Variants in LHFPL6 observed in about 807,000 individuals in gnomAD.
The protein encoded by LHFPL6 is LHFPL tetraspan subfamily member 6 protein.
Under a neutral mutation model 20.6 loss-of-function variants are expected in LHFPL6, and 9 were observed. The observed-to-expected ratio is 0.44, with a 90% CI of 0.26 to 0.76. The LOEUF is 0.76. LHFPL6 is among the 30% of genes least tolerant of loss of function. The pLI is 0.20. For missense variants in LHFPL6, 218 were observed against 253.5 expected, an observed-to-expected ratio of 0.86 and a Z score of 0.95; for synonymous variants, 105 against 98.7, an observed-to-expected ratio of 1.06 and a Z score of -0.38.
At chr13:39,525,296 C>A (rs1296688764) in intron 2 of LHFPL6, among the ~76,000 whole-genome samples, 1 of 152,106 alleles carries the variant, frequency 6.6e-6, no homozygotes, top group Admixed American at 6.5e-5. Context: ...AGACTATTGT[C>A]TTTTTTAACA....
chr13:39,447,323 C>A (rs1375162566), intron 2 of LHFPL6, among the ~76,000 whole-genome samples: 1 of 152,116 alleles, frequency 6.6e-6, no homozygotes, highest in African/African-American at 2.4e-5. Flanking sequence ...TTTTTTTAAG[C>A]TTTCTCTTGC....
chr13:39,408,316 CCCAGATTATCAGA>C (rs1316703873), intron 2 of LHFPL6, among the ~76,000 whole-genome samples: 1 of 152,098 alleles, frequency 6.6e-6, no homozygotes, highest in Non-Finnish European at 1.5e-5. Flanking sequence ...GAAGTCTTTC[CCCAGATTATCAGA>C]CCAGAAGGCC....
Position 39,579,595 on chromosome 13 carries a change from A to G in LHFPL6, c.385+21237T>C, listed in dbSNP as rs1281127922. ...AAAAATTTTTTTATCTTTTTCTAAT[A>G]ATATACTTGTTACAGTTTTTAAAGA... On this transcript the variant is annotated intron_variant, in intron 2 of 3. Coordinates refer to ENST00000379589, the MANE Select transcript of LHFPL6 (RefSeq NM_005780.3). Among the ~76,000 whole-genome samples the G allele has an allele frequency of 4.6e-5, 7 of 152,190 alleles. No individual in the cohort carries two copies. In the South Asian group the frequency reaches 8.3e-4, roughly 18 times the overall value.
chr13:39,527,301 C>T (rs1870320095), intron 2 of LHFPL6, among the ~76,000 whole-genome samples: 1 of 152,126 alleles, frequency 6.6e-6, no homozygotes, highest in South Asian at 2.1e-4. Context: ...GAGAAAGAGG[C>T]CTTTGGCCCT....
At chr13:39,408,217 T>C (rs1171424835) in intron 2 of LHFPL6, among the ~76,000 whole-genome samples, 1 of 152,244 alleles carries the variant, frequency 6.6e-6, no homozygotes, top group Non-Finnish European at 1.5e-5. Flanking sequence ...AATTTATTAA[T>C]AAGTCAGACA....
intron 3 of LHFPL6, among the ~76,000 whole-genome samples, chr13:39,348,049 A>G (rs1201176712): frequency 6.6e-6 from 1 of 152,256 alleles, no homozygotes; most frequent in East Asian, 1.9e-4. Context: ...AAAGATGGAA[A>G]AAGAAGCTAG....
intron 2 of LHFPL6, among the ~76,000 whole-genome samples, chr13:39,404,767 C>A (rs1287622946): frequency 2.0e-5 from 3 of 152,126 alleles, no homozygotes; most frequent in African/African-American, 7.2e-5. Flanking sequence ...TGTTCTGATC[C>A]TCCCTATGCC....
At chr13:39,558,902 A>C (rs1348219305) in intron 2 of LHFPL6, among the ~76,000 whole-genome samples, 1 of 152,246 alleles carries the variant, frequency 6.6e-6, no homozygotes, top group Non-Finnish European at 1.5e-5. Flanking sequence ...GAAATGATGA[A>C]TATCGTTAGA....
intron 2 of LHFPL6, among the ~76,000 whole-genome samples, chr13:39,393,764 A>G (rs1191742279): frequency 2.6e-5 from 4 of 152,106 alleles, no homozygotes; most frequent in Non-Finnish European, 4.4e-5. Context: ...ATTCATTCAT[A>G]TATTTATTTA....
chr13:39,446,289 C>T (rs1257712662), intron 2 of LHFPL6, among the ~76,000 whole-genome samples: 1 of 152,158 alleles, frequency 6.6e-6, no homozygotes. Flanking sequence ...CTATGAGACT[C>T]CCATCCTCTC....
intron 2 of LHFPL6, among the ~76,000 whole-genome samples, chr13:39,506,685 G>A (rs1385027225): frequency 1.3e-5 from 2 of 152,028 alleles, no homozygotes; most frequent in Non-Finnish European, 2.9e-5. Context: ...GTGGGAAAGG[G>A]TTGAATGGCA....
intron 2 of LHFPL6, among the ~76,000 whole-genome samples, chr13:39,535,704 C>A (rs1484101641): frequency 6.6e-6 from 1 of 152,154 alleles, no homozygotes; most frequent in Non-Finnish European, 1.5e-5. Context: ...GACATGTGTG[C>A]TATTACATTT....
intron 2 of LHFPL6, among the ~76,000 whole-genome samples, chr13:39,420,565 G>T (rs9548759): frequency 6.6e-6 from 1 of 152,174 alleles, no homozygotes; most frequent in African/African-American, 2.4e-5. Context: ...TGTAGATACT[G>T]AAGGAAGTGG....
rs76970692 is a variant in LHFPL6, at chr13:39,462,609, C to G, written c.386-84083G>C. On this transcript the variant is annotated intron_variant, in intron 2 of 3. Transcript: ENST00000379589. ...TAAGCAACAAATAAATGCCACAGACCAGGCTATGTGCTATTCATTACCCTC... is the reference window on the plus strand; with the variant it reads ...TAAGCAACAAATAAATGCCACAGACGAGGCTATGTGCTATTCATTACCCTC... Among the ~76,000 whole-genome samples the G allele has an allele frequency of 1.0e-3, 158 of 152,200 alleles. 4 individuals are homozygous for G. The East Asian group carries it at 0.027, about 26-fold the overall frequency.
intron 3 of LHFPL6, among the ~76,000 whole-genome samples, chr13:39,355,244 A>G (rs545172213): frequency 2.9e-4 from 44 of 152,070 alleles, no homozygotes; most frequent in African/African-American, 1.0e-3. Flanking sequence ...TATTTTCAGT[A>G]TCCTTAAAGG....
At chr13:39,579,917 A>G (rs1413010682) in intron 2 of LHFPL6, among the ~76,000 whole-genome samples, 2 of 151,648 alleles carry the variant, frequency 1.3e-5, no homozygotes, top group Admixed American at 6.5e-5. Context: ...ACAGCCCTGT[A>G]GTACATTTAC....
intron 2 of LHFPL6, among the ~76,000 whole-genome samples, chr13:39,470,648 A>C (rs1349240770): frequency 6.6e-6 from 1 of 152,232 alleles, no homozygotes; most frequent in Non-Finnish European, 1.5e-5. Context: ...TATATGGATT[A>C]GTTATTTATA....
At chr13:39,520,113 T>C (rs1870058876) in intron 2 of LHFPL6, among the ~76,000 whole-genome samples, 2 of 152,182 alleles carry the variant, frequency 1.3e-5, no homozygotes, top group African/African-American at 4.8e-5. Context: ...TCAGAATCGG[T>C]TCATCTGAAT....
chr13:39,477,323 TTA>T (rs1342031175), intron 2 of LHFPL6, among the ~76,000 whole-genome samples: 1 of 152,232 alleles, frequency 6.6e-6, no homozygotes, highest in African/African-American at 2.4e-5. Flanking sequence ...TGATAGCACT[TTA>T]TGCACTTCTG....
Sources: allele counts gnomAD v4.1 joint callset (sites outside exome capture counted in the v4.1 genomes callset), GRCh38; gene constraint gnomAD v4.1.1; transcripts MANE v1.5; gene names NCBI Gene and HGNC (gene_info 2026-07-23, HGNC 2026-07-21).